PRUNE2: variants seen among roughly 807,000 people sequenced by gnomAD.
The protein encoded by PRUNE2 is prune homolog 2 with BCH domain.
PRUNE2 carries 164 observed loss-of-function variants against 252.0 expected under a neutral mutation model. That is an observed-to-expected ratio of 0.65 (90% CI 0.57 to 0.74). The LOEUF is 0.74. Ranked by LOEUF, PRUNE2 falls within the 30% of genes least tolerant of loss-of-function variation. The probability of loss-of-function intolerance (pLI) is 0.00; values close to 1 mark genes in which losing one functional copy is unlikely to be tolerated. For synonymous variants in PRUNE2, 1,292 were observed against 1,350.2 expected, an observed-to-expected ratio of 0.96 and a Z score of 0.94; for missense variants, 3,495 against 3,711.0, an observed-to-expected ratio of 0.94 and a Z score of 1.51.
chr9:76,842,849 G>T (rs2059465459), intron 4 of PRUNE2, among the ~76,000 whole-genome samples: 1 of 152,212 alleles, frequency 6.6e-6, no homozygotes, highest in African/African-American at 2.4e-5. Context: ...GGGATGTGGA[G>T]AAATAGGAAC....
intron 16 of PRUNE2, among the ~76,000 whole-genome samples, chr9:76,627,094 T>A (rs1295513655): frequency 8.1e-6 from 1 of 122,826 alleles, no homozygotes; most frequent in East Asian, 2.1e-4. Flanking sequence ...TACTTCTTCA[T>A]CTTTTTTTTT....
intron 6 of PRUNE2, chr9:76,788,409 T>G (rs2055229327): frequency 1.3e-6 from 1 of 761,536 alleles, no homozygotes; most frequent in African/African-American, 1.7e-5. Context: ...TTCCTCTTTG[T>G]AAACTTCTTA....
intron 12 of PRUNE2, among the ~76,000 whole-genome samples, chr9:76,644,253 A>G (rs1179089458): frequency 6.6e-6 from 1 of 152,160 alleles, no homozygotes; most frequent in African/African-American, 2.4e-5. Context: ...AGTTTACAGA[A>G]AGGCAAACTT....
Position 76,707,517 on chromosome 9 carries a change from A to C in PRUNE2, c.4757T>G (p.Leu1586Arg). Residue 1586 changes from leucine (L) to arginine (R), a missense_variant, in exon 8 of 19, where the codon CTA becomes CGA. Leu to Arg is a moderately radical substitution (Grantham distance 102). Transcript: ENST00000376718. ...WSEQNHQESE[L>R]ITTDGQVEIV... ...TTCTACTTGGCCATCAGTGGTAATT[A>C]GTTCAGATTCTTGGTGATTCTGTTC... 3 of 1,613,936 alleles carry C rather than the reference A, an allele frequency of 1.9e-6. No individual in the cohort carries two copies. Among genetic ancestry groups the C allele is most frequent in the Non-Finnish European group, 2.5e-6 (3 of 1,179,836 alleles).
intron 6 of PRUNE2, among the ~76,000 whole-genome samples, chr9:76,719,229 A>G (rs768111520): frequency 1.3e-5 from 2 of 152,078 alleles, no homozygotes; most frequent in African/African-American, 4.8e-5. Context: ...AATTATTATT[A>G]TTACTTTTTT....
intron 4 of PRUNE2, 74 bp from the exon 5 acceptor site, chr9:76,826,806 T>C (rs2058370856): frequency 2.5e-6 from 3 of 1,218,176 alleles, no homozygotes; most frequent in Middle Eastern, 2.0e-4. Flanking sequence ...AATCAGTGTT[T>C]CCTGGCCTCT....
At chr9:76,871,882 G>A (rs1022427599) in intron 1 of PRUNE2, among the ~76,000 whole-genome samples, 3 of 152,130 alleles carry the variant, frequency 2.0e-5, no homozygotes, top group African/African-American at 7.2e-5. Context: ...GCCTGCCTCA[G>A]GCTCCCAAAG....
At chr9:76,624,989 G>A (rs1260901050) in intron 16 of PRUNE2, 1 of 1,280,150 alleles carries the variant, frequency 7.8e-7, no homozygotes, top group Admixed American at 2.3e-5. Flanking sequence ...ACACACACAG[G>A]GTCCAGCATG....
At chr9:76,752,670 A>G (rs1248211802) in intron 6 of PRUNE2, among the ~76,000 whole-genome samples, 2 of 152,254 alleles carry the variant, frequency 1.3e-5, no homozygotes, top group African/African-American at 4.8e-5. Context: ...AGCATATCAC[A>G]GGGATTAATT....
chr9:76,710,012 AG>A lies in PRUNE2; in HGVS notation c.2261del (p.Ser754PhefsTer8), dbSNP rs1168693163. 6.2e-7 allele frequency: 1 copy of A among 1,613,702 alleles called. No homozygotes were observed. The highest frequency in any genetic ancestry group is 2.2e-5 in the East Asian group (1 of 44,862). On this transcript the variant is annotated frameshift_variant, in exon 8 of 19. Coordinates refer to ENST00000376718, the MANE Select transcript of PRUNE2 (RefSeq NM_015225.3). LOFTEE classifies it high-confidence loss of function. Reference protein sequence around the residue: ...PMEKSPLPNTSPQGTNHLIED... With the variant: ...PMEKSPLPNTXPQGTNHLIED... ...CTATCAGGTGGTTTGTTCCTTGGGG[AG>A]ATGTATTTGGCAAAGGTGACTTCTC...
chr9:76,888,966 T>C (rs2062283997), intron 1 of PRUNE2, among the ~76,000 whole-genome samples: 1 of 151,814 alleles, frequency 6.6e-6, no homozygotes, highest in Admixed American at 6.6e-5. Flanking sequence ...CCTCAGCCTC[T>C]CAAGTAGCTG....
In PRUNE2 at chr9:76,706,759, G is replaced by A. The variant is rs550713939; in HGVS notation, c.5515C>T (p.Leu1839=). The change falls in exon 8 of 19, where the codon CTA becomes TTA. Residue 1839 remains leucine (L), a synonymous_variant. Transcript: ENST00000376718. ...WWKASPQEGR[L]IESPFERELS... is the part of the protein sequence containing the mutation. ...TCCCTTTCAAATGGACTTTCAATTA[G>A]TCTCCCTTCCTGGGGTGAGGCCTTC... is the stretch of plus-strand genomic sequence containing the variant. 1.6e-5 allele frequency: 25 copies of A among 1,611,888 alleles called. No homozygotes were observed. The highest frequency in any genetic ancestry group is 4.0e-5 in the African/African-American group (3 of 74,906).
At chr9:76,678,502 T>C (rs1395897171) in intron 9 of PRUNE2, among the ~76,000 whole-genome samples, 2 of 151,940 alleles carry the variant, frequency 1.3e-5, no homozygotes, top group African/African-American at 4.8e-5. Context: ...CTAGAGGACA[T>C]CTCAGAGTCT....
intron 17 of PRUNE2, among the ~76,000 whole-genome samples, chr9:76,622,285 G>C (rs572806718): frequency 6.6e-6 from 1 of 152,106 alleles, no homozygotes; most frequent in East Asian, 1.9e-4. Context: ...GGTAGGTAGG[G>C]GTAAGGAAGA....
At chr9:76,731,325 T>TATATATATA (rs1491241762) in intron 6 of PRUNE2, among the ~76,000 whole-genome samples, 7 of 84,976 alleles carry the variant, frequency 8.2e-5, no homozygotes, top group African/African-American at 3.0e-4. Flanking sequence ...TATATATATA[T>TATATATATA]TTTTTTTTTT....
intron 18 of PRUNE2, among the ~76,000 whole-genome samples, chr9:76,615,422 G>A (rs1179611605): frequency 1.3e-5 from 2 of 152,190 alleles, no homozygotes; most frequent in Admixed American, 6.5e-5. Context: ...TTTACTTGTG[G>A]AATTTGCGGC....
intron 9 of PRUNE2, among the ~76,000 whole-genome samples, chr9:76,690,956 C>T (rs1344759107): frequency 1.3e-5 from 2 of 152,202 alleles, no homozygotes; most frequent in Non-Finnish European, 2.9e-5. Context: ...TAGGAAGTTT[C>T]TCTTAGCAAT....
intron 4 of PRUNE2, among the ~76,000 whole-genome samples, chr9:76,829,710 T>C (rs955918670): frequency 2.0e-5 from 3 of 151,726 alleles, no homozygotes; most frequent in African/African-American, 7.3e-5. Flanking sequence ...AGGACCGAAA[T>C]CCTGATTTGA....
At chr9:76,674,644 C>T (rs1372431671) in intron 9 of PRUNE2, among the ~76,000 whole-genome samples, 2 of 149,638 alleles carry the variant, frequency 1.3e-5, no homozygotes, top group Non-Finnish European at 3.0e-5. Flanking sequence ...GGAGGCATCA[C>T]ACTACCTGAC....
Sources: gnomAD v4.1 joint callset for allele counts (sites outside exome capture counted in the v4.1 genomes callset) on GRCh38, gnomAD v4.1.1 for gene constraint, MANE v1.5 for transcripts, NCBI Gene and HGNC (gene_info 2026-07-23, HGNC 2026-07-21) for gene names.